INTS6: variants seen among roughly 807,000 people sequenced by gnomAD.
INTS6 encodes integrator complex subunit 6, also known as DEAD box protein.
INTS6 carries 16 observed loss-of-function variants against 104.9 expected under a neutral mutation model. The ratio of observed to expected loss-of-function variants is 0.15; its 90% CI spans 0.10 to 0.23. The LOEUF (loss-of-function observed/expected upper bound fraction) is 0.23. INTS6 is among the 10% of genes least tolerant of loss of function. The probability of loss-of-function intolerance (pLI) is 1.00; values close to 1 mark genes in which losing one functional copy is unlikely to be tolerated. For missense variants in INTS6, 584 were observed against 1,062.8 expected (o/e 0.55, Z 6.26); for synonymous variants, 324 against 358.7 (o/e 0.90, Z 1.09).
At chr13:51,380,300 T>A (rs61956938) in intron 10 of INTS6, among the ~76,000 whole-genome samples, 3,615 of 152,208 alleles carry the variant, frequency 0.024, 59 homozygotes, top group South Asian at 0.059. Context: ...CTTTATACGA[T>A]GAAAAATATC....
At chr13:51,397,079 C>T (rs1299668649) in intron 4 of INTS6, among the ~76,000 whole-genome samples, 3 of 152,052 alleles carry the variant, frequency 2.0e-5, no homozygotes, top group Admixed American at 6.5e-5. Context: ...AAAATGATCA[C>T]TTCTAAATTA....
intron 4 of INTS6, among the ~76,000 whole-genome samples, chr13:51,406,390 C>A (rs758746395): frequency 1.3e-5 from 2 of 148,630 alleles, no homozygotes; most frequent in Non-Finnish European, 3.0e-5. Flanking sequence ...TCCAATATTC[C>A]CTAACTCAGT....
intron 4 of INTS6, among the ~76,000 whole-genome samples, chr13:51,404,305 A>AC (rs913765835): frequency 7.3e-5 from 11 of 151,572 alleles, no homozygotes; most frequent in African/African-American, 2.4e-4. Context: ...AAAAAAAAAA[A>AC]AAAACAAAAC....
At chr13:51,341,898 G>C in the INTS6 span, among the ~76,000 whole-genome samples, 1 of 152,206 alleles carries the variant, frequency 6.6e-6, no homozygotes, top group Non-Finnish European at 1.5e-5. Context: ...CCTGGTTTAA[G>C]AGCCCATGCT....
At position 51,365,920 on chromosome 13, in the gene INTS6, AGGAGAGAAAATTT is replaced by A. The variant is rs932011635; in HGVS notation, c.2571-88_2571-76del. On this transcript the variant is annotated intron_variant, in intron 17 of 17. Coordinates refer to ENST00000311234, the MANE Select transcript of INTS6 (RefSeq NM_012141.3). Reference sequence around the variant, plus strand: ...TATATCAGTATAATTTTTTTAAGAAAGGAGAGAAAATTTTGGGAAGATTTTTCAAAGTGAAATG... The same window carrying A: ...TATATCAGTATAATTTTTTTAAGAAATGGGAAGATTTTTCAAAGTGAAATG... 689 of 807,892 alleles carry A rather than the reference AGGAGAGAAAATTT, an allele frequency of 8.5e-4. 5 individuals carry two copies. In the African/African-American group the frequency reaches 0.011, roughly 13 times the overall value. The allele number at this position is 807,892 out of a possible 1,614,324, so 50.0% of individuals were successfully genotyped here.
chr13:51,426,611 T>A (rs1439524442), intron 4 of INTS6, among the ~76,000 whole-genome samples: 1 of 152,082 alleles, frequency 6.6e-6, no homozygotes, highest in African/African-American at 2.4e-5. Context: ...AACCATTTAA[T>A]AGGTGATTTC....
chr13:51,375,446 GAATTTGTAGAAAA>G (rs1387449657), intron 13 of INTS6, among the ~76,000 whole-genome samples: 5 of 143,252 alleles, frequency 3.5e-5, no homozygotes, highest in Non-Finnish European at 7.5e-5. Context: ...AATTATAGTA[GAATTTGTAGAAAA>G]TGGAAGTACA....
rs1261703848 is a variant in INTS6 at position 51,364,727 on chromosome 13, G to C, written c.*1025C>G. The C allele has an allele frequency of 6.5e-6, 1 of 153,426 alleles. No homozygotes were observed. The highest frequency in any genetic ancestry group is 6.6e-5 in the Admixed American group (1 of 15,260). The allele number at this position is 153,426 out of a possible 1,614,324, so 9.5% of individuals were successfully genotyped here. ...AGCTTATAAATAAAACAGAGTTTAA[G>C]TGTGAGAACAGCAGAGCAGAACAAG... On this transcript the variant is annotated 3_prime_UTR_variant, in exon 18 of 18. Coordinates refer to ENST00000311234, the MANE Select transcript of INTS6 (RefSeq NM_012141.3).
In INTS6 at chr13:51,382,242, CG is replaced by C. The variant is rs1214470525; in HGVS notation, c.1181-120del. On this transcript the variant is annotated intron_variant, in intron 9 of 17. Coordinates refer to ENST00000311234, the MANE Select transcript of INTS6 (RefSeq NM_012141.3). ...TTATTTTTGAGAGAGTAACATCAGACGTTTTTTAACATGAAAGTAAGATTTA... is the reference window on the plus strand; with the variant it reads ...TTATTTTTGAGAGAGTAACATCAGACTTTTTTAACATGAAAGTAAGATTTA... 6.6e-5 allele frequency: 32 copies of C among 481,208 alleles called. No homozygotes were observed. In the East Asian group the frequency reaches 1.2e-3, roughly 18 times the overall value. 29.8% of individuals were successfully genotyped at this position (481,208 alleles called of 1,614,324 possible).
intron 17 of INTS6, 62 bp from the exon 18 acceptor site, chr13:51,365,907 ATT>A: frequency 1.0e-6 from 1 of 956,416 alleles, no homozygotes; most frequent in Non-Finnish European, 1.5e-6. Context: ...TATCAGTATA[ATT>A]TTTTTAAGAA....
At chr13:51,340,738 T>C in the INTS6 span, 3 of 322,176 alleles carry the variant, frequency 9.3e-6, no homozygotes, top group Non-Finnish European at 5.8e-6. Context: ...GGATTACCTC[T>C]TACATTTCTT....
rs367643023 is a variant in INTS6, at chr13:51,381,947, C to G, written c.1275+82G>C. On this transcript the variant is annotated intron_variant, in intron 10 of 17. Transcript: ENST00000311234. ...TGATCTCCTGACCTCATGATCCACC[C>G]GCCTCGGCCTCCCAAAGTGCTGGGA... 4.0e-6 allele frequency: 3 copies of G among 743,976 alleles called. No individual in the cohort carries two copies. The African/African-American group carries it at 5.5e-5, about 14-fold the overall frequency. The allele number at this position is 743,976 out of a possible 1,614,324, so 46.1% of individuals were successfully genotyped here.
At chr13:51,355,684 C>T (rs1010909144) in intron 3 of INTS6, among the ~76,000 whole-genome samples, 3 of 152,298 alleles carry the variant, frequency 2.0e-5, no homozygotes, top group East Asian at 1.9e-4. Flanking sequence ...AATTTCTTTG[C>T]ACAAAGTTGA....
Position 51,406,669 on chromosome 13 carries a change from GCTT to G in INTS6, c.430-11189_430-11187del, listed in dbSNP as rs1039768857. ...TACCTCTAAATAAAACCCTTGGATG[GCTT>G]CTTATTGCTTTTATATTAATAATAT... is the stretch of plus-strand genomic sequence containing the variant. On this transcript the variant is annotated intron_variant, in intron 4 of 17. Coordinates refer to ENST00000311234, the MANE Select transcript of INTS6 (RefSeq NM_012141.3). Among the ~76,000 whole-genome samples the G allele has an allele frequency of 1.2e-4, 19 of 152,104 alleles. 1 individual carries two copies. In the East Asian group the frequency reaches 2.9e-3, roughly 23 times the overall value.
At chr13:51,379,594 C>T in intron 10 of INTS6, 22 bp from the exon 11 acceptor site, 1 of 1,369,908 alleles carries the variant, frequency 7.3e-7, no homozygotes, top group Non-Finnish European at 1.0e-6. Flanking sequence ...AAGAAAACAT[C>T]ATTCAATATT....
chr13:51,395,945 G>T (rs1009494106), intron 4 of INTS6, among the ~76,000 whole-genome samples: 1 of 151,904 alleles, frequency 6.6e-6, no homozygotes, highest in Non-Finnish European at 1.5e-5. Flanking sequence ...TTACAGGTAC[G>T]CAACACCACG....
chr13:51,354,386 G>C (rs1052835520), intron 3 of INTS6: 1 of 152,164 alleles, frequency 6.6e-6, no homozygotes, highest in Non-Finnish European at 1.5e-5. Flanking sequence ...TGAAATGTCT[G>C]ATAATCCACA....
At chr13:51,349,523 G>A (rs549436814), downstream of INTS6, among the ~76,000 whole-genome samples, 1 of 152,324 alleles carries the variant, frequency 6.6e-6, no homozygotes, top group East Asian at 1.9e-4. Flanking sequence ...GGAAGGAAGA[G>A]CAGCGTTCCG....
the INTS6 span, chr13:51,344,322 G>A: frequency 3.2e-4 from 524 of 1,613,954 alleles, 1 homozygote; most frequent in African/African-American, 6.4e-3. Flanking sequence ...GCACCGAGAT[G>A]GAGCTGGCCT....
Sources: gnomAD v4.1 joint callset for allele counts (sites outside exome capture counted in the v4.1 genomes callset) on GRCh38, gnomAD v4.1.1 for gene constraint, MANE v1.5 for transcripts, NCBI Gene and HGNC (gene_info 2026-07-23, HGNC 2026-07-21) for gene names.